The following PLEKHH2 variants were observed in gnomAD, a reference collection of about 807,000 sequenced individuals.
PLEKHH2 encodes the protein pleckstrin homology domain-containing family H member 2.
In PLEKHH2, 129 loss-of-function variants were observed where a neutral mutation model predicts 187.9. That is an observed-to-expected ratio of 0.69 (90% CI 0.59 to 0.79). PLEKHH2 has a LOEUF of 0.79. PLEKHH2 is among the 30% of genes least tolerant of loss of function. The pLI is 0.00. For missense variants in PLEKHH2, 2,076 were observed against 1,751.2 expected (o/e 1.19, Z -3.31); for synonymous variants, 686 against 605.6 (o/e 1.13, Z -1.95).
intron 15 of PLEKHH2, among the ~76,000 whole-genome samples, chr2:43,718,822 G>A (rs2104539142): frequency 1.3e-5 from 2 of 152,184 alleles, no homozygotes; most frequent in South Asian, 4.1e-4. Flanking sequence ...CTGTAAATAT[G>A]TTTCTAAATT....
In PLEKHH2 at chr2:43,676,000, A is replaced by G. The variant is rs1419808045; in HGVS notation, c.124-2863A>G. On this transcript the variant is annotated intron_variant, in intron 2 of 29. Coordinates refer to ENST00000282406, the MANE Select transcript of PLEKHH2 (RefSeq NM_172069.4). ...CCTGTCATTACTTTCTATATTGAAC[A>G]AATTATCATTTTTAGTATCGTAGAG... The G allele has an allele frequency of 7.4e-6, 12 of 1,613,930 alleles. No individual in the cohort carries two copies. Among genetic ancestry groups the G allele is most frequent in the Non-Finnish European group, 1.0e-5 (12 of 1,179,902 alleles).
intron 24 of PLEKHH2, among the ~76,000 whole-genome samples, chr2:43,749,911 T>G (rs1012628335): frequency 6.6e-6 from 1 of 152,242 alleles, no homozygotes; most frequent in African/African-American, 2.4e-5. Flanking sequence ...TGATGGAATT[T>G]TAATTATTTA....
chr2:43,759,144 A>G, intron 27 of PLEKHH2, 115 bp downstream of exon 27: 3 of 1,387,454 alleles, frequency 2.2e-6, no homozygotes, highest in Non-Finnish European at 2.9e-6. Context: ...ATATCCAATA[A>G]TGTAAAGAAA....
At chr2:43,743,735 C>G (rs1049292839) in intron 22 of PLEKHH2, 99 bp from the exon 23 acceptor site, 3 of 1,095,870 alleles carry the variant, frequency 2.7e-6, no homozygotes, top group East Asian at 2.8e-5. Context: ...AATATGTTAT[C>G]ATTAATCATG....
chr2:43,739,310 C>G (rs143295581), intron 20 of PLEKHH2, among the ~76,000 whole-genome samples: 1,542 of 152,282 alleles, frequency 0.01, 62 homozygotes, highest in Admixed American at 0.066. Flanking sequence ...AAAAATATTT[C>G]ACTATTGACT....
intron 25 of PLEKHH2, 131 bp downstream of exon 25, chr2:43,753,891 T>C (rs1350531145): frequency 1.4e-6 from 1 of 714,244 alleles, no homozygotes. Flanking sequence ...CCTTAAAAAT[T>C]ACAGGCACTA....
chr2:43,722,361 A>G (rs1384729265), intron 16 of PLEKHH2, among the ~76,000 whole-genome samples: 6 of 152,166 alleles, frequency 3.9e-5, no homozygotes, highest in Non-Finnish European at 8.8e-5. Flanking sequence ...GAGTGGTAAA[A>G]GTTAGGGAAA....
At chr2:43,740,689 G>A in intron 20 of PLEKHH2, 1 of 336,472 alleles carries the variant, frequency 3.0e-6, no homozygotes, top group Non-Finnish European at 4.9e-6. Flanking sequence ...ACGTCAAAAA[G>A]GAGCACCTTG....
intron 15 of PLEKHH2, among the ~76,000 whole-genome samples, chr2:43,715,915 G>T (rs535640267): frequency 6.6e-6 from 1 of 152,168 alleles, no homozygotes; most frequent in African/African-American, 2.4e-5. Context: ...ATGTAGGGCA[G>T]GGGAGAGCAG....
At chr2:43,677,374 C>T (rs544536761) in intron 2 of PLEKHH2, among the ~76,000 whole-genome samples, 2 of 152,236 alleles carry the variant, frequency 1.3e-5, no homozygotes, top group East Asian at 3.9e-4. Flanking sequence ...TCCCTAGGTA[C>T]TTGAGATTAC....
chr2:43,654,752 C>T (rs1325482869), intron 2 of PLEKHH2, among the ~76,000 whole-genome samples: 4 of 145,928 alleles, frequency 2.7e-5, no homozygotes, highest in Non-Finnish European at 4.5e-5. Flanking sequence ...ATAGGCCAGG[C>T]GTGGTGGCTC....
rs1343090585 is a variant in PLEKHH2, at chr2:43,767,086, A to G, written c.*1488A>G. The G allele has an allele frequency of 5.2e-5, 8 of 152,766 alleles. No individual in the cohort carries two copies. The highest frequency in any genetic ancestry group is 1.9e-4 in the African/African-American group (8 of 41,456). 9.5% of individuals were successfully genotyped at this position (152,766 alleles called of 1,614,324 possible). On this transcript the variant is annotated 3_prime_UTR_variant, in exon 30 of 30. Coordinates refer to ENST00000282406, the MANE Select transcript of PLEKHH2 (RefSeq NM_172069.4). ...GAAACTGTGATAAGACATGAAAATT[A>G]TATTATTAAAATGTTCAATTGTAAT...
intron 3 of PLEKHH2, among the ~76,000 whole-genome samples, chr2:43,683,855 T>C (rs1409368111): frequency 2.0e-5 from 3 of 152,180 alleles, no homozygotes; most frequent in African/African-American, 7.2e-5. Context: ...GGGAGGTTAT[T>C]GCTTTTTTAA....
intron 9 of PLEKHH2, 55 bp from the exon 10 acceptor site, chr2:43,706,267 C>A: frequency 1.7e-6 from 2 of 1,210,032 alleles, no homozygotes; most frequent in Non-Finnish European, 2.4e-6. Flanking sequence ...AAGAAAAAGA[C>A]CAATGTGCTA....
At chr2:43,660,219 C>T (rs1666997381) in intron 2 of PLEKHH2, among the ~76,000 whole-genome samples, 1 of 152,136 alleles carries the variant, frequency 6.6e-6, no homozygotes, top group Non-Finnish European at 1.5e-5. Context: ...TAGTTTGTTC[C>T]TGTTTATTGT....
intron 15 of PLEKHH2, among the ~76,000 whole-genome samples, chr2:43,712,960 A>G (rs1031042469): frequency 6.6e-6 from 1 of 152,160 alleles, no homozygotes; most frequent in Non-Finnish European, 1.5e-5. Context: ...AAAATCTGCT[A>G]GTTTCTGCAA....
chr2:43,722,108 T>C (rs530966223), intron 16 of PLEKHH2, among the ~76,000 whole-genome samples: 68 of 150,074 alleles, frequency 4.5e-4, no homozygotes, highest in Non-Finnish European at 7.7e-4. Flanking sequence ...AAAAAAAAAT[T>C]AGCCAGGCAT....
chr2:43,675,805 A>T, intron 2 of PLEKHH2: 3 of 1,613,920 alleles, frequency 1.9e-6, no homozygotes, highest in Non-Finnish European at 2.5e-6. Flanking sequence ...GAGGTCTCCA[A>T]ATATAACAGT....
intron 27 of PLEKHH2, among the ~76,000 whole-genome samples, chr2:43,761,005 G>T (rs1560598): frequency 0.47 from 72,152 of 152,056 alleles, 20,827 homozygotes; most frequent in African/African-American, 0.82. Context: ...TTCCACTGTA[G>T]GTATATATAT....
Sources: allele counts gnomAD v4.1 joint callset (sites outside exome capture counted in the v4.1 genomes callset), GRCh38; gene constraint gnomAD v4.1.1; transcripts MANE v1.5; gene names NCBI Gene and HGNC (gene_info 2026-07-23, HGNC 2026-07-21).